Variants in ERCC4 observed in about 807,000 individuals in gnomAD.
ERCC4 encodes ERCC excision repair 4, endonuclease catalytic subunit.
A neutral mutation model predicts 76.9 loss-of-function variants in ERCC4; 65 were observed. The observed-to-expected ratio is 0.84, with a 90% CI of 0.69 to 1.04. The LOEUF (loss-of-function observed/expected upper bound fraction) is 1.04. Ranked by LOEUF, ERCC4 falls within the 50% of genes least tolerant of loss-of-function variation. The pLI, the probability that ERCC4 is intolerant of heterozygous loss-of-function variation, is 0.00. For missense variants in ERCC4, 1,214 were observed against 1,128.2 expected, an observed-to-expected ratio of 1.08 and a Z score of -1.09; for synonymous variants, 463 against 410.1, an observed-to-expected ratio of 1.13 and a Z score of -1.56.
chr16:13,922,174 C>T lies in ERCC4; in HGVS notation c.351C>T (p.Asp117=), dbSNP rs189742296. 6.2e-7 allele frequency: 1 copy of T among 1,612,300 alleles called. No homozygotes were observed. The highest frequency in any genetic ancestry group is 2.2e-5 in the East Asian group (1 of 44,864). The change falls in exon 2 of 11, where the codon GAC becomes GAT. Residue 117 remains aspartate (D), a synonymous_variant. Coordinates refer to ENST00000311895, the MANE Select transcript of ERCC4 (RefSeq NM_005236.3). ...IFATSRILVV[D]FLTDRIPSDL... ...CGACAAGTAGGATACTTGTGGTTGA[C>T]TTCTTGACTGATAGAATACCTTCAG... is the stretch of plus-strand genomic sequence containing the variant.
intron 7 of ERCC4, 30 bp downstream of exon 7, chr16:13,934,332 T>G: frequency 7.0e-7 from 1 of 1,419,376 alleles, no homozygotes. Context: ...AAACATTTGC[T>G]TCCAAAATCT....
At chr16:13,941,988 G>A (rs2032421354) in intron 9 of ERCC4, among the ~76,000 whole-genome samples, 1 of 152,158 alleles carries the variant, frequency 6.6e-6, no homozygotes, top group Non-Finnish European at 1.5e-5. Flanking sequence ...GAAGGCCAAG[G>A]CGAGAGGATC....
In ERCC4 at chr16:13,949,567, T is replaced by G. The variant is rs1275141405; in HGVS notation, c.*1220T>G. 8.6e-6 allele frequency: 2 copies of G among 232,674 alleles called. No individual in the cohort carries two copies. The highest frequency in any genetic ancestry group is 1.7e-5 in the Non-Finnish European group (2 of 117,812). 14.4% of individuals were successfully genotyped at this position (232,674 alleles called of 1,614,324 possible). On this transcript the variant is annotated 3_prime_UTR_variant, in exon 11 of 11. Transcript: ENST00000311895. ...AAGATTTGATTTTCCTGCCTTGAGA[T>G]AAAAAGGAGTGTAGGTAAATGAAAG... is the stretch of plus-strand genomic sequence containing the variant.
chr16:13,924,956 G>T (rs191135008), intron 2 of ERCC4, among the ~76,000 whole-genome samples: 1 of 152,256 alleles, frequency 6.6e-6, no homozygotes, highest in Non-Finnish European at 1.5e-5. Context: ...AACCTAACCT[G>T]CTTCTATTAT....
intron 9 of ERCC4, among the ~76,000 whole-genome samples, chr16:13,939,540 G>A (rs1424416505): frequency 2.0e-5 from 3 of 152,062 alleles, no homozygotes; most frequent in Non-Finnish European, 4.4e-5. Flanking sequence ...CTAGGCAGAT[G>A]GGGTGGAAAG....
intron 3 of ERCC4, 185 bp downstream of exon 3, chr16:13,926,941 GTTTTA>G: frequency 1.7e-6 from 1 of 598,740 alleles, no homozygotes; most frequent in South Asian, 2.0e-5. Context: ...CAAGTTTGTG[GTTTTA>G]TTTAAGTCGA....
At chr16:13,922,696 G>A (rs1379010141) in intron 2 of ERCC4, 24 of 400,020 alleles carry the variant, frequency 6.0e-5, no homozygotes, top group Admixed American at 1.1e-4. Flanking sequence ...GGCACGGACC[G>A]GAGAGGGTAT....
In ERCC4 at chr16:13,927,955, G is replaced by C. The variant is rs889319305; in HGVS notation, c.585-73G>C. 8 of 1,003,280 alleles carry C rather than the reference G, an allele frequency of 8.0e-6. No individual in the cohort carries two copies. The African/African-American group carries it at 1.3e-4, about 16-fold the overall frequency. The allele number at this position is 1,003,280 out of a possible 1,614,324, so 62.1% of individuals were successfully genotyped here. ...TGTTTGTAGCATTTATAAAAATGGGGTGTTAAACCAAGACCAGAAATACAT... is the reference window on the plus strand; with the variant it reads ...TGTTTGTAGCATTTATAAAAATGGGCTGTTAAACCAAGACCAGAAATACAT... On this transcript the variant is annotated intron_variant, in intron 3 of 10. Transcript: ENST00000311895.
intron 3 of ERCC4, among the ~76,000 whole-genome samples, chr16:13,927,291 G>A (rs148308098): frequency 0.022 from 3,350 of 152,292 alleles, 124 homozygotes; most frequent in African/African-American, 0.076. Flanking sequence ...GGGTGCAGTG[G>A]CTTACGCCTG....
At chr16:13,934,741 A>G (rs901806372) in intron 7 of ERCC4, 3 of 241,602 alleles carry the variant, frequency 1.2e-5, no homozygotes, top group African/African-American at 4.6e-5. Context: ...TCAATATGTA[A>G]TGAGCCGGTA....
intron 10 of ERCC4, 54 bp downstream of exon 10, chr16:13,944,889 G>T: frequency 8.8e-7 from 1 of 1,142,536 alleles, no homozygotes; most frequent in Non-Finnish European, 1.3e-6. Flanking sequence ...GGGCTGTGAA[G>T]TTCCAGAGTT....
Position 13,948,124 on chromosome 16 carries a change from A to C in ERCC4, c.2528A>C (p.Lys843Thr). 1 of 1,614,204 alleles carries C rather than the reference A, an allele frequency of 6.2e-7. No individual in the cohort carries two copies. The highest frequency in any genetic ancestry group is 8.5e-7 in the Non-Finnish European group (1 of 1,180,040). Reference protein sequence around the residue: ...ADSETLPESEKYNPGPQDFLL... With the variant: ...ADSETLPESETYNPGPQDFLL... ...TCTGAAACCCTTCCCGAGTCAGAGA[A>C]GTATAATCCTGGTCCCCAAGACTTC... Residue 843 changes from lysine (K) to threonine (T), a missense_variant, in exon 11 of 11, where the codon AAG (lysine) becomes ACG (threonine). Physicochemically the swap from Lys to Thr is moderately conservative, Grantham distance 78 (BLOSUM62 -1). Transcript: ENST00000311895.
chr16:13,934,691 C>A, intron 7 of ERCC4: 1 of 237,120 alleles, frequency 4.2e-6, no homozygotes, highest in Non-Finnish European at 8.3e-6. Flanking sequence ...ATATCCTCAG[C>A]CAAGTATCTT....
chr16:13,944,583 A>T lies in ERCC4; in HGVS notation c.1905-140A>T, dbSNP rs112050686. On this transcript the variant is annotated intron_variant, in intron 9 of 10. Transcript: ENST00000311895. ...CATTTGTCTTGGCATATTTACTTCT[A>T]ATATATTCCTTGTTTTTGTTTTTGT... 1.5e-3 allele frequency: 1,029 copies of T among 682,176 alleles called. 7 individuals are homozygous for T. In the African/African-American group the frequency reaches 0.016, roughly 11 times the overall value. The allele number at this position is 682,176 out of a possible 1,614,324, so 42.3% of individuals were successfully genotyped here.
chr16:13,943,391 C>T (rs974664914), intron 9 of ERCC4, among the ~76,000 whole-genome samples: 1 of 152,152 alleles, frequency 6.6e-6, no homozygotes, highest in African/African-American at 2.4e-5. Context: ...CAAACTTGTC[C>T]TTCTTCACAT....
intron 9 of ERCC4, among the ~76,000 whole-genome samples, chr16:13,943,024 G>A (rs1160789847): frequency 6.6e-6 from 1 of 152,148 alleles, no homozygotes; most frequent in African/African-American, 2.4e-5. Context: ...AGAATAATGA[G>A]AAAAACATGG....
rs1567246081 is a variant in ERCC4, at chr16:13,932,255, T to C, written c.1072T>C (p.Ser358Pro). 1 of 1,611,094 alleles carries C rather than the reference T, an allele frequency of 6.2e-7. No homozygotes were observed. The highest frequency in any genetic ancestry group is 8.5e-7 in the Non-Finnish European group (1 of 1,177,802). The change falls in exon 6 of 11, where the codon TCT becomes CCT. Residue 358 changes from serine (S) to proline (P), a missense_variant. Transcript: ENST00000311895. ...CAAAATGAGTAAAAAAGAAAAAATA[T>C]CTGAAAAAATGGAAATTAAAGAAGG... is the stretch of plus-strand genomic sequence containing the variant. ...DAKMSKKEKI[S>P]EKMEIKEGEE...
rs141232484 is a variant in ERCC4, at chr16:13,924,166, G to C, written c.388+1955G>C. Among the ~76,000 whole-genome samples the C allele has an allele frequency of 2.6e-3, 402 of 152,280 alleles. 1 individual carries two copies. The highest frequency in any genetic ancestry group is 9.4e-3 in the African/African-American group (390 of 41,552). On this transcript the variant is annotated intron_variant, in intron 2 of 10. Coordinates refer to ENST00000311895, the MANE Select transcript of ERCC4 (RefSeq NM_005236.3). ...ATCATCCCCCAGGACTGACCAAAGA[G>C]CAGTGCGTGAAGTGCAGGTAACCCT...
intron 5 of ERCC4, 173 bp from the exon 6 acceptor site, chr16:13,931,984 C>G: frequency 1.5e-6 from 1 of 659,906 alleles, no homozygotes; most frequent in South Asian, 1.8e-5. Flanking sequence ...CGGACCACAC[C>G]CAGAAAACCA....
Sources: gnomAD v4.1 joint callset for allele counts (sites outside exome capture counted in the v4.1 genomes callset) on GRCh38, gnomAD v4.1.1 for gene constraint, MANE v1.5 for transcripts, NCBI Gene and HGNC (gene_info 2026-07-23, HGNC 2026-07-21) for gene names.